NCOA1: variants seen among roughly 807,000 people sequenced by gnomAD.
NCOA1 encodes the protein Hin-2 protein.
In NCOA1, 35 loss-of-function variants were observed where a neutral mutation model predicts 150.9. The observed-to-expected ratio is 0.23, with a 90% CI of 0.18 to 0.31. The LOEUF is 0.31. NCOA1 is among the 10% of genes least tolerant of loss of function. The pLI, the probability that NCOA1 is intolerant of heterozygous loss-of-function variation, is 1.00. For synonymous variants in NCOA1, 590 were observed against 630.0 expected (o/e 0.94, Z 0.95); for missense variants, 1,491 against 1,749.3 (o/e 0.85, Z 2.63).
intron 3 of NCOA1, among the ~76,000 whole-genome samples, chr2:24,594,003 AAG>A (rs1221427663): frequency 1.3e-5 from 2 of 152,120 alleles, no homozygotes; most frequent in African/African-American, 2.4e-5. Context: ...TGTAATTATA[AAG>A]ATTACTGTGG....
intron 22 of NCOA1, among the ~76,000 whole-genome samples, chr2:24,763,167 C>T (rs1364292352): frequency 6.6e-6 from 1 of 152,182 alleles, no homozygotes; most frequent in Non-Finnish European, 1.5e-5. Flanking sequence ...AGAGTACCTG[C>T]TGTATACTTC....
At chr2:24,538,734 T>C (rs866964686) in intron 1 of NCOA1, among the ~76,000 whole-genome samples, 2 of 152,206 alleles carry the variant, frequency 1.3e-5, no homozygotes, top group African/African-American at 2.4e-5. Context: ...TCTGATTTCA[T>C]TGATGTTTAT....
rs1482263318 is a variant in NCOA1 at position 24,761,483 on chromosome 2, A to AT, written c.4066-1197dup. Among the ~76,000 whole-genome samples the AT allele has an allele frequency of 5.9e-5, 9 of 152,066 alleles. No homozygotes were observed. The East Asian group carries it at 1.7e-3, about 29-fold the overall frequency. ...TTTTTATATCTTCCATATCTCCAAC[A>AT]TTTTTTTCATATCTGTTCAGCCTTT... is the stretch of plus-strand genomic sequence containing the variant. On this transcript the variant is annotated intron_variant, in intron 21 of 22. Coordinates refer to ENST00000348332, the MANE Select transcript of NCOA1 (RefSeq NM_003743.5).
chr2:24,584,598 T>A (rs1350810494), intron 3 of NCOA1, 38 bp downstream of exon 3: 1 of 152,248 alleles, frequency 6.6e-6, no homozygotes, highest in Non-Finnish European at 1.5e-5. Flanking sequence ...TCTGGATTTT[T>A]ATAGTGAATT....
chr2:24,720,623 A>C (rs1293631283), intron 14 of NCOA1, among the ~76,000 whole-genome samples: 1 of 152,072 alleles, frequency 6.6e-6, no homozygotes, highest in Non-Finnish European at 1.5e-5. Context: ...AGATATAGAC[A>C]GGAAAGAAAA....
chr2:24,726,077 G>A (rs1674603930), intron 14 of NCOA1, among the ~76,000 whole-genome samples: 1 of 152,032 alleles, frequency 6.6e-6, no homozygotes, highest in Non-Finnish European at 1.5e-5. Flanking sequence ...ATAAGTCTCA[G>A]TTCTTATACT....
intron 19 of NCOA1, among the ~76,000 whole-genome samples, chr2:24,742,630 T>G (rs72797926): frequency 0.051 from 6,523 of 128,482 alleles, 235 homozygotes; most frequent in East Asian, 0.19. Context: ...CTAATTTTTG[T>G]TTTTTTTTTT....
chr2:24,662,916 T>C (rs2148500025), intron 5 of NCOA1, among the ~76,000 whole-genome samples: 1 of 151,838 alleles, frequency 6.6e-6, no homozygotes, highest in African/African-American at 2.4e-5. Context: ...GCCTCCTGAG[T>C]AACTAGGACT....
At chr2:24,637,199 A>G (rs1669977268) in intron 3 of NCOA1, among the ~76,000 whole-genome samples, 1 of 148,234 alleles carries the variant, frequency 6.7e-6, no homozygotes, top group African/African-American at 2.5e-5. Context: ...GTCATTTAGC[A>G]TTAGGTATAT....
At chr2:24,619,458 T>C (rs1412338703) in intron 3 of NCOA1, among the ~76,000 whole-genome samples, 2 of 152,204 alleles carry the variant, frequency 1.3e-5, no homozygotes, top group African/African-American at 4.8e-5. Flanking sequence ...ACTACCCTTA[T>C]CTGACTAACG....
intron 11 of NCOA1, among the ~76,000 whole-genome samples, chr2:24,700,095 G>C (rs988506314): frequency 3.3e-5 from 5 of 151,306 alleles, no homozygotes; most frequent in African/African-American, 1.2e-4. Flanking sequence ...GTGAGCCAAG[G>C]TCGCACCATT....
chr2:24,718,626 GT>G (rs1294094974), intron 14 of NCOA1, among the ~76,000 whole-genome samples: 8 of 150,536 alleles, frequency 5.3e-5, no homozygotes, highest in Non-Finnish European at 1.0e-4. Flanking sequence ...GAGGTCAGGA[GT>G]TCAAGACCAG....
At chr2:24,702,590 G>A (rs1421448806) in intron 11 of NCOA1, among the ~76,000 whole-genome samples, 1 of 151,858 alleles carries the variant, frequency 6.6e-6, no homozygotes, top group Admixed American at 6.6e-5. Context: ...CTATTCTAGG[G>A]ATAAAAATAA....
At chr2:24,602,656 A>T (rs979321841) in intron 3 of NCOA1, among the ~76,000 whole-genome samples, 1 of 152,092 alleles carries the variant, frequency 6.6e-6, no homozygotes. Flanking sequence ...ATTTTTAAAT[A>T]AAATAAATAT....
At chr2:24,550,501 A>G (rs889237317) in intron 1 of NCOA1, among the ~76,000 whole-genome samples, 1 of 152,188 alleles carries the variant, frequency 6.6e-6, no homozygotes, top group African/African-American at 2.4e-5. Flanking sequence ...TTATGAAACC[A>G]TCAGATCTCG....
intron 20 of NCOA1, 78 bp from the exon 21 acceptor site, chr2:24,757,895 A>G: frequency 7.2e-7 from 1 of 1,396,312 alleles, no homozygotes; most frequent in Non-Finnish European, 9.9e-7. Context: ...AACATATTTT[A>G]TTTGGAAACA....
At chr2:24,639,379 T>G (rs566177837) in intron 3 of NCOA1, among the ~76,000 whole-genome samples, 1 of 152,262 alleles carries the variant, frequency 6.6e-6, no homozygotes, top group East Asian at 1.9e-4. Flanking sequence ...TTGTATGATC[T>G]GTGGTGACAT....
At chr2:24,704,108 T>C (rs1312958293) in intron 11 of NCOA1, among the ~76,000 whole-genome samples, 2 of 152,214 alleles carry the variant, frequency 1.3e-5, no homozygotes, top group Non-Finnish European at 2.9e-5. Context: ...TTAACTTAGT[T>C]TTTGTTCCTT....
rs114346381 is a variant in NCOA1, at chr2:24,663,103, G to A, written c.90-2646G>A. On this transcript the variant is annotated intron_variant, in intron 5 of 22. Coordinates refer to ENST00000348332, the MANE Select transcript of NCOA1 (RefSeq NM_003743.5). Reference sequence around the variant, plus strand: ...AGCTGCTGTATCCAGCTGAACCTGTGCTTTTAAGCAGTATACCATGCATTT... The same window carrying A: ...AGCTGCTGTATCCAGCTGAACCTGTACTTTTAAGCAGTATACCATGCATTT... Among the ~76,000 whole-genome samples the A allele has an allele frequency of 1.6e-3, 250 of 151,966 alleles. 1 individual carries two copies. Among genetic ancestry groups the A allele is most frequent in the African/African-American group, 5.8e-3 (239 of 41,452 alleles).
Sources: gnomAD v4.1 joint callset for allele counts (sites outside exome capture counted in the v4.1 genomes callset) on GRCh38, gnomAD v4.1.1 for gene constraint, MANE v1.5 for transcripts, NCBI Gene and HGNC (gene_info 2026-07-23, HGNC 2026-07-21) for gene names.